The following OPA1 variants were observed in gnomAD, a reference collection of about 807,000 sequenced individuals.
The protein encoded by OPA1 is OPA1 mitochondrial dynamin like GTPase.
Under a neutral mutation model 152.9 loss-of-function variants are expected in OPA1, and 59 were observed. The observed-to-expected ratio is 0.39, with a 90% CI of 0.31 to 0.48. The LOEUF (loss-of-function observed/expected upper bound fraction) is 0.48, where lower values mean the gene tolerates loss of function less well. Among genes scored for constraint, OPA1 ranks in the 20% least tolerant of loss-of-function variants. The probability of loss-of-function intolerance (pLI) is 0.96; values close to 1 mark genes in which losing one functional copy is unlikely to be tolerated. For synonymous variants in OPA1, 400 were observed against 389.9 expected, an observed-to-expected ratio of 1.03 and a Z score of -0.31; for missense variants, 1,008 against 1,216.8, an observed-to-expected ratio of 0.83 and a Z score of 2.55.
At chr3:193,685,663 C>T (rs1050272831) in intron 29 of OPA1, among the ~76,000 whole-genome samples, 7 of 152,074 alleles carry the variant, frequency 4.6e-5, no homozygotes, top group African/African-American at 7.2e-5. Context: ...TAAAAATGAT[C>T]TTTCCAAAAT....
chr3:193,679,522 G>C (rs935248403), intron 29 of OPA1, among the ~76,000 whole-genome samples: 1 of 152,150 alleles, frequency 6.6e-6, no homozygotes, highest in African/African-American at 2.4e-5. Context: ...AACGTTCATT[G>C]ACATAAATGG....
chr3:193,612,833 A>G (rs966970421), intron 1 of OPA1, among the ~76,000 whole-genome samples: 2 of 152,206 alleles, frequency 1.3e-5, no homozygotes, highest in South Asian at 2.1e-4. Flanking sequence ...ATCAAATCCA[A>G]TTTGATCTTG....
chr3:193,603,127 C>G (rs566800773), intron 1 of OPA1, among the ~76,000 whole-genome samples: 3 of 152,232 alleles, frequency 2.0e-5, no homozygotes, highest in African/African-American at 7.2e-5. Context: ...AGTATTTTTT[C>G]ATAATTTGGA....
chr3:193,628,795 A>G (rs1731593379), intron 7 of OPA1, among the ~76,000 whole-genome samples: 1 of 152,240 alleles, frequency 6.6e-6, no homozygotes, highest in Admixed American at 6.5e-5. Context: ...CTCTTAAGAA[A>G]ATATATAAAA....
rs1716789109 is a variant in OPA1 at position 193,667,290 on chromosome 3, T to C, written c.2983+10T>C. On this transcript the variant is annotated intron_variant, in intron 29 of 30. Coordinates refer to ENST00000361510, the MANE Select transcript of OPA1 (RefSeq NM_130837.3). ...CTGGCGGAAGACCTCAGTGAGTAGTTCTTACTGCCCTCTACCTTACTACCT... is the reference window on the plus strand; with the variant it reads ...CTGGCGGAAGACCTCAGTGAGTAGTCCTTACTGCCCTCTACCTTACTACCT... The C allele has an allele frequency of 8.5e-7, 1 of 1,177,352 alleles. No individual in the cohort carries two copies. The highest frequency in any genetic ancestry group is 1.3e-6 in the Non-Finnish European group (1 of 780,600). The allele number at this position is 1,177,352 out of a possible 1,614,324, so 72.9% of individuals were successfully genotyped here. A position where few individuals can be genotyped will look rare whatever the true frequency, so the allele number is the denominator to read the frequency against.
At chr3:193,647,477 TGA>T (rs1271199681) in intron 19 of OPA1, among the ~76,000 whole-genome samples, 4 of 152,206 alleles carry the variant, frequency 2.6e-5, no homozygotes, top group Non-Finnish European at 4.4e-5. Context: ...TTCACCCTGT[TGA>T]GGATGAAGGA....
At chr3:193,598,675 TAAG>T (rs111268466) in intron 1 of OPA1, among the ~76,000 whole-genome samples, 3,915 of 152,192 alleles carry the variant, frequency 0.026, 52 homozygotes, top group Non-Finnish European at 0.03. Context: ...GGTGAATAGA[TAAG>T]GAGGATGTGA....
At chr3:193,644,207 C>T (rs939028554) in intron 16 of OPA1, 102 bp downstream of exon 16, 6 of 1,310,268 alleles carry the variant, frequency 4.6e-6, no homozygotes, top group Non-Finnish European at 6.5e-6. Flanking sequence ...CAAAAAAACA[C>T]CTTACAACTA....
chr3:193,688,747 G>A lies in OPA1; in HGVS notation c.2984-3316G>A, dbSNP rs551770766. ...TGTAATTCCAGCAGTTTGTGAAGCC[G>A]AGTGGGGAGGATTGCTTGAGGCCAA... On this transcript the variant is annotated intron_variant, in intron 29 of 30. Coordinates refer to ENST00000361510, the MANE Select transcript of OPA1 (RefSeq NM_130837.3). 2.1e-4 allele frequency among the ~76,000 whole-genome samples: 32 copies of A among 152,150 alleles called. 1 individual carries two copies. The highest frequency in any genetic ancestry group is 2.0e-3 in the Admixed American group (31 of 15,284).
intron 1 of OPA1, among the ~76,000 whole-genome samples, chr3:193,601,478 G>A (rs1049924323): frequency 1.3e-5 from 2 of 152,202 alleles, no homozygotes; most frequent in Non-Finnish European, 2.9e-5. Flanking sequence ...GGAAAAGGGG[G>A]CCACCTAGTT....
chr3:193,595,904 G>A (rs1445896098), intron 1 of OPA1, among the ~76,000 whole-genome samples: 3 of 151,954 alleles, frequency 2.0e-5, no homozygotes, highest in Admixed American at 6.6e-5. Context: ...TGTACTCGTC[G>A]TCTGTTAAAA....
At chr3:193,618,485 C>CAAA in intron 5 of OPA1, 2 of 177,636 alleles carry the variant, frequency 1.1e-5, no homozygotes, top group Non-Finnish European at 2.3e-5. Flanking sequence ...CCCCCACCCC[C>CAAA]AAAAAAAAAA....
rs183443268 is a variant in OPA1 at position 193,595,480 on chromosome 3, C to G, written c.32+2071C>G. 1.2e-3 allele frequency among the ~76,000 whole-genome samples: 187 copies of G among 152,278 alleles called. 2 individuals are homozygous for G. Among genetic ancestry groups the G allele is most frequent in the African/African-American group, 4.3e-3 (178 of 41,566 alleles). On this transcript the variant is annotated intron_variant, in intron 1 of 30. Transcript: ENST00000361510. ...TTTAGTTTTGACTGAATATTGAAGT[C>G]TATATTCAAAATTCTTTTCCTTTAG... is the stretch of plus-strand genomic sequence containing the variant.
chr3:193,600,437 C>T (rs552366366), intron 1 of OPA1, among the ~76,000 whole-genome samples: 35 of 152,274 alleles, frequency 2.3e-4, no homozygotes, highest in Non-Finnish European at 3.5e-4. Context: ...GCATACAAAA[C>T]ATTTAAGACT....
At chr3:193,622,891 C>G (rs1258697893) in intron 6 of OPA1, among the ~76,000 whole-genome samples, 1 of 152,078 alleles carries the variant, frequency 6.6e-6, no homozygotes, top group Non-Finnish European at 1.5e-5. Context: ...AATTTTGGTC[C>G]CCTCAATTTT....
intron 7 of OPA1, among the ~76,000 whole-genome samples, chr3:193,627,012 C>CT (rs1340873760): frequency 6.6e-6 from 1 of 152,176 alleles, no homozygotes; most frequent in Non-Finnish European, 1.5e-5. Context: ...AAATTATACT[C>CT]TGAGATCTTG....
chr3:193,695,236 T>C lies in OPA1; in HGVS notation c.*636T>C, dbSNP rs1414534783. The C allele has an allele frequency of 6.6e-6, 1 of 152,212 alleles. No homozygotes were observed. Among genetic ancestry groups the C allele is most frequent in the Non-Finnish European group, 1.5e-5 (1 of 68,030 alleles). 9.4% of individuals were successfully genotyped at this position (152,212 alleles called of 1,614,324 possible). On this transcript the variant is annotated 3_prime_UTR_variant, in exon 31 of 31. Transcript: ENST00000361510. ...TTCATAGCCAGCGAAGAAATTTGCC[T>C]TGGAAGCCAAGTCAGTACCAGCTTA... is the stretch of plus-strand genomic sequence containing the variant.
chr3:193,593,302 C>T lies in OPA1; in HGVS notation c.-76C>T, dbSNP rs1428597003. Reference sequence around the variant, plus strand: ...GCCACTTCCTGGGTCATTCCTGGACCGGGAGCCGGGCTGGGGCTCACACGG... The same window carrying T: ...GCCACTTCCTGGGTCATTCCTGGACTGGGAGCCGGGCTGGGGCTCACACGG... On this transcript the variant is annotated 5_prime_UTR_variant, in exon 1 of 31. Transcript: ENST00000361510. 4.8e-6 allele frequency: 7 copies of T among 1,466,388 alleles called. 1 individual carries two copies. Among genetic ancestry groups the T allele is most frequent in the African/African-American group, 2.8e-5 (2 of 70,264 alleles). The allele number at this position is 1,466,388 out of a possible 1,614,324, so 90.8% of individuals were successfully genotyped here.
chr3:193,658,061 C>G (rs1246741032), intron 23 of OPA1, among the ~76,000 whole-genome samples: 1 of 152,066 alleles, frequency 6.6e-6, no homozygotes, highest in Non-Finnish European at 1.5e-5. Flanking sequence ...GCCTGACCAA[C>G]GTGGATAAAC....
Sources: allele counts gnomAD v4.1 joint callset (sites outside exome capture counted in the v4.1 genomes callset), GRCh38; gene constraint gnomAD v4.1.1; transcripts MANE v1.5; gene names NCBI Gene and HGNC (gene_info 2026-07-23, HGNC 2026-07-21).